Variants in DHCR24 observed in about 807,000 individuals in gnomAD.
DHCR24 encodes delta(24)-sterol reductase.
Under a neutral mutation model 61.2 loss-of-function variants are expected in DHCR24, and 28 were observed. The ratio of observed to expected loss-of-function variants is 0.46; its 90% CI spans 0.34 to 0.63. The LOEUF (loss-of-function observed/expected upper bound fraction) is 0.63, where lower values mean the gene tolerates loss of function less well. Ranked by LOEUF, DHCR24 falls within the 20% of genes least tolerant of loss-of-function variation. The pLI is 0.01. For missense variants in DHCR24, 538 were observed against 679.1 expected, an observed-to-expected ratio of 0.79 and a Z score of 2.31; for synonymous variants, 261 against 275.9, an observed-to-expected ratio of 0.95 and a Z score of 0.54.
At chr1:54,871,258 G>A (rs1646997234) in intron 5 of DHCR24, 92 bp downstream of exon 5, 1 of 1,523,900 alleles carries the variant, frequency 6.6e-7, no homozygotes, top group Non-Finnish European at 9.0e-7. Flanking sequence ...TTGAAGAGGT[G>A]GCTGCCAGGG....
intron 6 of DHCR24, among the ~76,000 whole-genome samples, chr1:54,858,709 C>G (rs1483366338): frequency 2.0e-5 from 3 of 152,170 alleles, no homozygotes; most frequent in Non-Finnish European, 4.4e-5. Flanking sequence ...GCGATCTCAG[C>G]TCACCACAAC....
chr1:54,883,481 G>A lies in DHCR24; in HGVS notation c.387+137C>T. On this transcript the variant is annotated intron_variant, in intron 2 of 8. Coordinates refer to ENST00000371269, the MANE Select transcript of DHCR24 (RefSeq NM_014762.4). The surrounding 1 kb of genome is among the most constrained non-coding windows in gnomAD (Gnocchi z 4.3). ...TGAGGCTTGAGGACAGCAATGGCAG[G>A]GAGTATCTTCTATGACTGTGGGCAT... is the stretch of plus-strand genomic sequence containing the variant. 9.1e-7 allele frequency: 1 copy of A among 1,093,778 alleles called. No individual in the cohort carries two copies. 67.8% of individuals were successfully genotyped at this position (1,093,778 alleles called of 1,614,324 possible). A position where few individuals can be genotyped will look rare whatever the true frequency, so the allele number is the denominator to read the frequency against.
At position 54,851,199 on chromosome 1, in the gene DHCR24, G is replaced by C. The variant is rs1353354742; in HGVS notation, c.*1034C>G. 26 of 152,576 alleles carry C rather than the reference G, an allele frequency of 1.7e-4. No homozygotes were observed. The highest frequency in any genetic ancestry group is 7.2e-5 in the African/African-American group (3 of 41,408). 9.5% of individuals were successfully genotyped at this position (152,576 alleles called of 1,614,324 possible). Reference sequence around the variant, plus strand: ...AAAGAAAAAGAGGGATGAGTGGTTGGAGAAATCAAGTCGATGCTCTTTTCT... The same window carrying C: ...AAAGAAAAAGAGGGATGAGTGGTTGCAGAAATCAAGTCGATGCTCTTTTCT... On this transcript the variant is annotated 3_prime_UTR_variant, in exon 9 of 9. Coordinates refer to ENST00000371269, the MANE Select transcript of DHCR24 (RefSeq NM_014762.4).
In DHCR24 at chr1:54,863,024, G is replaced by A. The variant is rs933145285; in HGVS notation, c.1020+2279C>T. 3.4e-5 allele frequency among the ~76,000 whole-genome samples: 5 copies of A among 147,724 alleles called. 1 individual carries two copies. The highest frequency in any genetic ancestry group is 2.8e-4 in the Admixed American group (4 of 14,508). On this transcript the variant is annotated intron_variant, in intron 6 of 8. Transcript: ENST00000371269. The stretch of plus-strand genomic sequence containing the variant: ...CCGGGAAGCGGAGCATGCAGTGGGC[G>A]AAATTGCGCCACTGCACTCCAGCCT...
chr1:54,866,501 G>A (rs1264561513), intron 5 of DHCR24, among the ~76,000 whole-genome samples: 1 of 152,080 alleles, frequency 6.6e-6, no homozygotes, highest in Non-Finnish European at 1.5e-5. Context: ...TACACGTACT[G>A]TTTGCCAATT....
At chr1:54,853,970 CA>C in intron 7 of DHCR24, 66 bp downstream of exon 7, 1 of 1,493,774 alleles carries the variant, frequency 6.7e-7, no homozygotes, top group Non-Finnish European at 9.1e-7. Context: ...TCACACGGTT[CA>C]GGGGAGGAGA....
At chr1:54,885,531 C>T (rs1469336907) in intron 1 of DHCR24, among the ~76,000 whole-genome samples, 2 of 152,192 alleles carry the variant, frequency 1.3e-5, no homozygotes, top group East Asian at 3.9e-4. Flanking sequence ...TCTTCCTGAG[C>T]ACATGACTCA....
At position 54,854,174 on chromosome 1, in the gene DHCR24, G is replaced by A; in HGVS notation, c.1081C>T (p.Pro361Ser). The change falls in exon 7 of 9, where the codon CCC (proline) becomes TCC (serine). Residue 361 changes from proline (P) to serine (S), a missense_variant. Pro to Ser is a moderately conservative substitution (Grantham distance 74). Transcript: ENST00000371269. ...FRYLFGWMVP[P>S]KISLLKLTQG... Reference sequence around the variant, plus strand: ...GTCAGCTTCAGGAGGGAGATCTTGGGAGGCACCATCCAGCCAAAGAGGTAG... The same window carrying A: ...GTCAGCTTCAGGAGGGAGATCTTGGAAGGCACCATCCAGCCAAAGAGGTAG... The A allele has an allele frequency of 6.2e-7, 1 of 1,614,118 alleles. No individual in the cohort carries two copies. The highest frequency in any genetic ancestry group is 8.5e-7 in the Non-Finnish European group (1 of 1,179,998).
rs185074919 is a variant in DHCR24, at chr1:54,856,062, G to A, written c.1021-1828C>T. On this transcript the variant is annotated intron_variant, in intron 6 of 8. Transcript: ENST00000371269. Reference sequence around the variant, plus strand: ...AGAAAGCAAAAAAACCTCATAAATGGTGGCATCTTAGCACCACTGGCTCAT... The same window carrying A: ...AGAAAGCAAAAAAACCTCATAAATGATGGCATCTTAGCACCACTGGCTCAT... Among the ~76,000 whole-genome samples, 644 of 152,260 alleles carry A rather than the reference G, an allele frequency of 4.2e-3. 2 individuals carry two copies. The highest frequency in any genetic ancestry group is 7.7e-3 in the Non-Finnish European group (521 of 68,018).
chr1:54,885,527 T>C (rs1209491310), intron 1 of DHCR24, among the ~76,000 whole-genome samples: 1 of 152,216 alleles, frequency 6.6e-6, no homozygotes, highest in Non-Finnish European at 1.5e-5. Context: ...CTAGTCTTCC[T>C]GAGCACATGA....
chr1:54,861,252 C>T (rs1646936779), intron 6 of DHCR24, among the ~76,000 whole-genome samples: 1 of 152,174 alleles, frequency 6.6e-6, no homozygotes, highest in African/African-American at 2.4e-5. Context: ...GGCCAGTCAT[C>T]CCTATTCATT....
At chr1:54,870,164 G>C (rs927418807) in intron 5 of DHCR24, among the ~76,000 whole-genome samples, 60 of 151,722 alleles carry the variant, frequency 4.0e-4, no homozygotes, top group African/African-American at 1.4e-3. Context: ...CAAGGCTACA[G>C]TGAGCTGTGA....
At position 54,875,647 on chromosome 1, in the gene DHCR24, A is replaced by T. The variant is rs1647024427; in HGVS notation, c.493+295T>A. Among the ~76,000 whole-genome samples, 2 of 152,092 alleles carry T rather than the reference A, an allele frequency of 1.3e-5. 1 individual carries two copies. Among genetic ancestry groups the T allele is most frequent in the South Asian group, 4.1e-4 (2 of 4,828 alleles). The stretch of plus-strand genomic sequence containing the variant: ...TATGAATCCTATGGGAGGAGAAGAG[A>T]GACTATACTTATTCTGTGTGTTCCA... On this transcript the variant is annotated intron_variant, in intron 3 of 8. Transcript: ENST00000371269.
At chr1:54,865,976 G>T (rs1348805371) in intron 5 of DHCR24, among the ~76,000 whole-genome samples, 1 of 152,142 alleles carries the variant, frequency 6.6e-6, no homozygotes, top group African/African-American at 2.4e-5. Context: ...TCGTCTGGAG[G>T]ATGCTCACAT....
chr1:54,882,774 A>G (rs936845191), intron 2 of DHCR24, among the ~76,000 whole-genome samples: 3 of 152,182 alleles, frequency 2.0e-5, no homozygotes, highest in East Asian at 1.9e-4. Context: ...CCATTTATAT[A>G]AACTCTAGAA....
chr1:54,860,026 G>C (rs566457885), intron 6 of DHCR24, among the ~76,000 whole-genome samples: 1 of 152,228 alleles, frequency 6.6e-6, no homozygotes, highest in Admixed American at 6.5e-5. Context: ...AATGGGTGTG[G>C]GGGAGACCCC....
chr1:54,866,863 C>G (rs628508), intron 5 of DHCR24, among the ~76,000 whole-genome samples: 139,945 of 152,302 alleles, frequency 0.92, 64,440 homozygotes, highest in Middle Eastern at 0.95. Context: ...TATGGGGCAG[C>G]GCAAAAAACA....
At chr1:54,855,126 G>T (rs1646899576) in intron 6 of DHCR24, among the ~76,000 whole-genome samples, 1 of 152,274 alleles carries the variant, frequency 6.6e-6, no homozygotes, top group African/African-American at 2.4e-5. Flanking sequence ...CAGGCACGGT[G>T]GCTCATGCCT....
At chr1:54,853,183 TGGG>T (rs11428724) in intron 8 of DHCR24, among the ~76,000 whole-genome samples, 23 of 151,704 alleles carry the variant, frequency 1.5e-4, no homozygotes, top group African/African-American at 5.6e-4. Flanking sequence ...CTGGGGCTGC[TGGG>T]GGGGTGTGAC....
Sources: gnomAD v4.1 joint callset for allele counts (sites outside exome capture counted in the v4.1 genomes callset) on GRCh38, gnomAD v4.1.1 for gene constraint, Gnocchi (gnomAD v3.1) non-coding constraint, MANE v1.5 for transcripts, NCBI Gene and HGNC (gene_info 2026-07-23, HGNC 2026-07-21) for gene names.